Variants in NECTIN1 observed in about 807,000 individuals in gnomAD.
The protein encoded by NECTIN1 is nectin cell adhesion molecule 1, also known as nectin-1.
In NECTIN1, 23 loss-of-function variants were observed where a neutral mutation model predicts 48.0. The observed-to-expected ratio is 0.48, with a 90% CI of 0.34 to 0.68. NECTIN1 has a LOEUF of 0.68. Among genes scored for constraint, NECTIN1 ranks in the 30% least tolerant of loss-of-function variants. The pLI, the probability that NECTIN1 is intolerant of heterozygous loss-of-function variation, is 0.01. For missense variants in NECTIN1, 591 were observed against 709.9 expected (o/e 0.83, Z 1.90); for synonymous variants, 270 against 288.9 (o/e 0.93, Z 0.66).
At chr11:119,657,820 C>T (rs1211955646), downstream of NECTIN1, among the ~76,000 whole-genome samples, 1 of 145,580 alleles carries the variant, frequency 6.9e-6, no homozygotes, top group Non-Finnish European at 1.5e-5. Context: ...ACTTGGGAGG[C>T]TGAGGCAAGA....
At chr11:119,640,025 G>A (rs957469463) in intron 5 of NECTIN1, 10 of 1,603,330 alleles carry the variant, frequency 6.2e-6, no homozygotes, top group Admixed American at 1.7e-5. Flanking sequence ...GGAAACAAAA[G>A]ACAGGGAAGA....
chr11:119,664,817 A>C lies in NECTIN1; in HGVS notation c.1484T>G (p.Leu495Arg). The C allele has an allele frequency of 6.2e-7, 1 of 1,613,838 alleles. No individual in the cohort carries two copies. ...AGAAACCATGTTCTCAGCCAAGTCC[A>C]GCTGCTCAGGGTCGTACTGGTAGCC... ...TLGYQYDPEQ[L>R]DLAENMVSQN... is the part of the protein sequence containing the mutation. Residue 495 changes from leucine to arginine, a missense_variant, in exon 6 of 6, where the codon CTG becomes CGG. Transcript: ENST00000264025.
chr11:119,717,110 C>T (rs552624753), intron 1 of NECTIN1, among the ~76,000 whole-genome samples: 1 of 152,272 alleles, frequency 6.6e-6, no homozygotes, highest in East Asian at 1.9e-4. Flanking sequence ...GGGGAGGAGG[C>T]CAGAAAGACT....
intron 1 of NECTIN1, among the ~76,000 whole-genome samples, chr11:119,703,673 C>G (rs1048297076): frequency 6.6e-6 from 1 of 152,260 alleles, no homozygotes; most frequent in Non-Finnish European, 1.5e-5. Context: ...GACGCTCTTT[C>G]ATGAAAGCAC....
At chr11:119,645,308 T>G (rs1864382286) in intron 5 of NECTIN1, among the ~76,000 whole-genome samples, 1 of 152,132 alleles carries the variant, frequency 6.6e-6, no homozygotes. Flanking sequence ...TGGAGGCAAG[T>G]CTTCCTGGCC....
Position 119,663,664 on chromosome 11 carries a change from C to G in NECTIN1, c.*1083G>C. The G allele has an allele frequency of 8.1e-6, 8 of 985,552 alleles. No homozygotes were observed. Among genetic ancestry groups the G allele is most frequent in the Non-Finnish European group, 9.6e-6 (8 of 829,950 alleles). 61.1% of individuals were successfully genotyped at this position (985,552 alleles called of 1,614,324 possible). A position where few individuals can be genotyped will look rare whatever the true frequency, so the allele number is the denominator to read the frequency against. On this transcript the variant is annotated 3_prime_UTR_variant, in exon 6 of 6. Coordinates refer to ENST00000264025, the MANE Select transcript of NECTIN1 (RefSeq NM_002855.5). Reference sequence around the variant, plus strand: ...CTCTGACTCCTGCAGGTGGATCCCCCTGGGATCCCAGCCCTGACTAGCCAA... The same window carrying G: ...CTCTGACTCCTGCAGGTGGATCCCCGTGGGATCCCAGCCCTGACTAGCCAA...
chr11:119,668,232 C>T lies in NECTIN1; in HGVS notation c.1004-2935G>A, dbSNP rs552834775. Among the ~76,000 whole-genome samples, 57 of 152,336 alleles carry T rather than the reference C, an allele frequency of 3.7e-4. 1 individual carries two copies. Among genetic ancestry groups the T allele is most frequent in the African/African-American group, 1.3e-3 (56 of 41,578 alleles). On this transcript the variant is annotated intron_variant, in intron 5 of 5. Transcript: ENST00000264025. ...CTCCATTCGATACAACTTCCTGTCG[C>T]CACTGTCACCACCATGGAACTTATG...
rs912459623 is a variant in NECTIN1, at chr11:119,678,969, C to T, written c.80-204G>A. On this transcript the variant is annotated intron_variant, in intron 1 of 5. Transcript: ENST00000264025. This position sits in a 1 kb window ranked among gnomAD's most constrained non-coding sequence, Gnocchi z 4.4. ...AAAGTGACAACATCCCATGATCCTT[C>T]CGCTCAGGATAATCTTGAAGGATCT... Among the ~76,000 whole-genome samples, 12 of 152,226 alleles carry T rather than the reference C, an allele frequency of 7.9e-5. No individual in the cohort carries two copies. The highest frequency in any genetic ancestry group is 6.5e-4 in the Admixed American group (10 of 15,286).
At chr11:119,639,004 C>T (rs796648467) in intron 6 of NECTIN1, among the ~76,000 whole-genome samples, 7 of 152,030 alleles carry the variant, frequency 4.6e-5, no homozygotes, top group African/African-American at 9.7e-5. Flanking sequence ...TGAGAGTGCC[C>T]GGCCACCTTT....
chr11:119,680,818 C>A (rs1354219727), intron 1 of NECTIN1, among the ~76,000 whole-genome samples: 1 of 152,252 alleles, frequency 6.6e-6, no homozygotes, highest in Non-Finnish European at 1.5e-5. Context: ...CCTCTGCCAG[C>A]CTGTGGGGTG....
chr11:119,691,655 G>A (rs1367894196), intron 1 of NECTIN1, among the ~76,000 whole-genome samples: 1 of 152,214 alleles, frequency 6.6e-6, no homozygotes, highest in Non-Finnish European at 1.5e-5. Flanking sequence ...TGGTGCTAAT[G>A]TCAGCCTTGG....
chr11:119,728,827 C>G lies in NECTIN1; in HGVS notation c.-274G>C, dbSNP rs1164359906. The G allele has an allele frequency of 2.8e-6, 1 of 361,360 alleles. No homozygotes were observed. The highest frequency in any genetic ancestry group is 4.9e-6 in the Non-Finnish European group (1 of 202,336). 22.4% of individuals were successfully genotyped at this position (361,360 alleles called of 1,614,324 possible). Reference sequence around the variant, plus strand: ...GCCTCCTCCGCTCTCCTCCCGGCGCCGGTCCCCGCCCTCTTCTTCCACGCA... The same window carrying G: ...GCCTCCTCCGCTCTCCTCCCGGCGCGGGTCCCCGCCCTCTTCTTCCACGCA... On this transcript the variant is annotated 5_prime_UTR_variant, in exon 1 of 6. Transcript: ENST00000264025.
intron 1 of NECTIN1, among the ~76,000 whole-genome samples, chr11:119,687,071 G>C (rs1865171372): frequency 6.6e-6 from 1 of 152,126 alleles, no homozygotes; most frequent in Admixed American, 6.5e-5. Context: ...CACCTGCATG[G>C]AAGGGAAGCA....
chr11:119,657,592 T>G (rs1864594774), downstream of NECTIN1, among the ~76,000 whole-genome samples: 3 of 127,236 alleles, frequency 2.4e-5, no homozygotes, highest in African/African-American at 6.1e-5. Flanking sequence ...TCTAGCCTGG[T>G]GATAGAGTGA....
chr11:119,653,851 TC>T (rs1359227289), intron 5 of NECTIN1, among the ~76,000 whole-genome samples: 1 of 152,182 alleles, frequency 6.6e-6, no homozygotes, highest in Non-Finnish European at 1.5e-5. Context: ...TTACAAATAC[TC>T]CATATATGAA....
rs398045650 is a variant in NECTIN1 at position 119,669,410 on chromosome 11, C to CAAA, written c.1004-4116_1004-4114dup. Among the ~76,000 whole-genome samples the CAAA allele has an allele frequency of 8.6e-3, 1,125 of 130,058 alleles. 13 individuals are homozygous for CAAA. The highest frequency in any genetic ancestry group is 0.021 in the African/African-American group (761 of 35,632). The allele number at this position is 130,058 out of a possible 152,430, so 85.3% of individuals were successfully genotyped here. A position where few individuals can be genotyped will look rare whatever the true frequency, so the allele number is the denominator to read the frequency against. ...TGGGCAACAGTGCAAGACTCCGTCT[C>CAAA]AAAAAAAAAAAAAAAATGCACCTTG... On this transcript the variant is annotated intron_variant, in intron 5 of 5. Coordinates refer to ENST00000264025, the MANE Select transcript of NECTIN1 (RefSeq NM_002855.5).
intron 5 of NECTIN1, among the ~76,000 whole-genome samples, chr11:119,647,127 A>G (rs1237993585): frequency 7.7e-5 from 11 of 142,184 alleles, no homozygotes; most frequent in African/African-American, 3.0e-4. Context: ...AGGCCTGTGC[A>G]GGCCTCAAGA....
In NECTIN1 at chr11:119,678,139, C is replaced by CT. The variant is rs1356881470; in HGVS notation, c.430+275dup. On this transcript the variant is annotated intron_variant, in intron 2 of 5. Coordinates refer to ENST00000264025, the MANE Select transcript of NECTIN1 (RefSeq NM_002855.5). The surrounding 1 kb of genome is among the most constrained non-coding windows in gnomAD (Gnocchi z 4.4). ...GCAAGCAGCGCAGGTGGCTCCTTTC[C>CT]TTACCGTGGTGTCTGATGCTGCTGC... Among the ~76,000 whole-genome samples, 9 of 152,358 alleles carry CT rather than the reference C, an allele frequency of 5.9e-5. No homozygotes were observed. The highest frequency in any genetic ancestry group is 1.3e-4 in the Non-Finnish European group (9 of 68,034).
intron 5 of NECTIN1, among the ~76,000 whole-genome samples, chr11:119,669,801 T>C (rs1248898381): frequency 6.6e-6 from 1 of 151,982 alleles, no homozygotes; most frequent in Non-Finnish European, 1.5e-5. Flanking sequence ...TCCTTTACTC[T>C]CTTTGGGACA....
Sources: gnomAD v4.1 joint callset for allele counts (sites outside exome capture counted in the v4.1 genomes callset) on GRCh38, gnomAD v4.1.1 for gene constraint, Gnocchi (gnomAD v3.1) non-coding constraint, MANE v1.5 for transcripts, NCBI Gene and HGNC (gene_info 2026-07-23, HGNC 2026-07-21) for gene names.